Variants in AKAP19 observed in about 807,000 individuals in gnomAD.
AKAP19 encodes the protein A-kinase anchoring protein 19, also known as small A-kinase anchoring protein.
the AKAP19 span, among the ~76,000 whole-genome samples, chr2:190,057,938 T>G: frequency 3.3e-5 from 5 of 151,822 alleles, no homozygotes; most frequent in Non-Finnish European, 7.4e-5. Flanking sequence ...CTGAAAATAT[T>G]TATGGGAAGA....
chr2:190,164,706 A>G, the AKAP19 span, among the ~76,000 whole-genome samples: 4 of 152,316 alleles, frequency 2.6e-5, no homozygotes, highest in East Asian at 5.8e-4. Context: ...ATTTAATCTG[A>G]TATTTTAGAG....
chr2:190,142,841 A>G, the AKAP19 span, among the ~76,000 whole-genome samples: 1 of 152,154 alleles, frequency 6.6e-6, no homozygotes, highest in East Asian at 1.9e-4. Context: ...GCAAAGGGAA[A>G]AGTACACCCT....
the AKAP19 span, among the ~76,000 whole-genome samples, chr2:189,908,466 G>A: frequency 6.6e-6 from 1 of 152,086 alleles, no homozygotes; most frequent in Non-Finnish European, 1.5e-5. Flanking sequence ...CACAGTGCTG[G>A]GATAACAGGT....
the AKAP19 span, among the ~76,000 whole-genome samples, chr2:190,100,140 C>T: frequency 6.6e-6 from 1 of 152,220 alleles, no homozygotes; most frequent in Non-Finnish European, 1.5e-5. Flanking sequence ...AAGGGTTGGG[C>T]TGACTTTGAA....
the AKAP19 span, among the ~76,000 whole-genome samples, chr2:189,993,566 A>C: frequency 1.3e-5 from 2 of 152,194 alleles, no homozygotes; most frequent in South Asian, 4.1e-4. Flanking sequence ...GAATAGTTTC[A>C]GTAAGATTGG....
At chr2:190,195,465 T>A in the AKAP19 span, among the ~76,000 whole-genome samples, 13 of 152,224 alleles carry the variant, frequency 8.5e-5, no homozygotes, top group Non-Finnish European at 1.8e-4. Flanking sequence ...TCTGTTGCTT[T>A]TGCCATTATC....
chr2:189,896,505 T>C, the AKAP19 span, among the ~76,000 whole-genome samples: 2 of 152,258 alleles, frequency 1.3e-5, no homozygotes, highest in South Asian at 4.1e-4. Context: ...TTATCTCTTA[T>C]TTGTTCTTTC....
At chr2:190,118,918 A>G in the AKAP19 span, among the ~76,000 whole-genome samples, 1 of 152,210 alleles carries the variant, frequency 6.6e-6, no homozygotes, top group Non-Finnish European at 1.5e-5. Flanking sequence ...GGAAAAGAGG[A>G]AGTCAAATTG....
the AKAP19 span, among the ~76,000 whole-genome samples, chr2:190,167,028 G>C: frequency 6.6e-6 from 1 of 152,166 alleles, no homozygotes; most frequent in Non-Finnish European, 1.5e-5. Flanking sequence ...TGAAAGTTCA[G>C]CAAGTTAGGA....
At chr2:189,975,652 C>A in the AKAP19 span, among the ~76,000 whole-genome samples, 2 of 150,846 alleles carry the variant, frequency 1.3e-5, no homozygotes, top group Admixed American at 1.3e-4. Context: ...TCACATAGTC[C>A]CATATATCTT....
the AKAP19 span, among the ~76,000 whole-genome samples, chr2:189,895,153 A>G: frequency 6.6e-6 from 1 of 151,906 alleles, no homozygotes; most frequent in Non-Finnish European, 1.5e-5. Context: ...TATTAAAATG[A>G]AAGAGCAAAG....
the AKAP19 span, among the ~76,000 whole-genome samples, chr2:190,147,257 G>A: frequency 6.6e-6 from 1 of 152,270 alleles, no homozygotes; most frequent in East Asian, 1.9e-4. Flanking sequence ...TGAAAAGGGT[G>A]TCCTTTCCCT....
At chr2:190,111,957 G>A in the AKAP19 span, among the ~76,000 whole-genome samples, 1 of 152,024 alleles carries the variant, frequency 6.6e-6, no homozygotes, top group Non-Finnish European at 1.5e-5. Flanking sequence ...GAGTGCAGTG[G>A]CACGATCTCA....
the AKAP19 span, among the ~76,000 whole-genome samples, chr2:189,984,318 G>A: frequency 3.3e-5 from 5 of 152,190 alleles, no homozygotes; most frequent in African/African-American, 2.4e-5. Flanking sequence ...CCCTAGGTGC[G>A]CATTCTCTTT....
At chr2:190,128,044 C>T in the AKAP19 span, among the ~76,000 whole-genome samples, 32 of 151,938 alleles carry the variant, frequency 2.1e-4, no homozygotes, top group African/African-American at 7.3e-4. Flanking sequence ...GTAGGGGTGG[C>T]ACTCAGAGGG....
chr2:190,142,664 G>A, the AKAP19 span, among the ~76,000 whole-genome samples: 78,754 of 152,110 alleles, frequency 0.52, 20,994 homozygotes, highest in Middle Eastern at 0.64. Flanking sequence ...AAGTTGTGAA[G>A]GGTTGCTTTG....
the AKAP19 span, among the ~76,000 whole-genome samples, chr2:189,951,151 C>G: frequency 6.7e-6 from 1 of 149,032 alleles, no homozygotes; most frequent in Non-Finnish European, 1.5e-5. Flanking sequence ...TTTTTTCCCT[C>G]TACTTCAATA....
the AKAP19 span, among the ~76,000 whole-genome samples, chr2:190,114,738 G>C: frequency 3.3e-5 from 5 of 152,148 alleles, no homozygotes; most frequent in Non-Finnish European, 5.9e-5. Flanking sequence ...TTACAGGCTT[G>C]AGCCACCGCG....
the AKAP19 span, among the ~76,000 whole-genome samples, chr2:190,163,213 T>C: frequency 6.6e-6 from 1 of 151,420 alleles, no homozygotes; most frequent in Admixed American, 6.6e-5. Flanking sequence ...GACGGGCGGA[T>C]CACGAGGTCA....
Sources: gnomAD v4.1 joint callset for allele counts (sites outside exome capture counted in the v4.1 genomes callset) on GRCh38, gnomAD v4.1.1 for gene constraint, MANE v1.5 for transcripts, NCBI Gene and HGNC (gene_info 2026-07-23, HGNC 2026-07-21) for gene names.